AKAP6: variants seen among roughly 807,000 people sequenced by gnomAD.
AKAP6 encodes the protein A-kinase anchor protein 6.
AKAP6 carries 58 observed loss-of-function variants against 188.5 expected under a neutral mutation model. That is an observed-to-expected ratio of 0.31 (90% confidence interval 0.25 to 0.38). AKAP6 has a LOEUF of 0.38. AKAP6 is among the 10% of genes least tolerant of loss of function. AKAP6 has a pLI of 1.00. For synonymous variants in AKAP6, 989 were observed against 998.6 expected, an observed-to-expected ratio of 0.99 and a Z score of 0.18; for missense variants, 2,710 against 2,740.0, an observed-to-expected ratio of 0.99 and a Z score of 0.24.
Position 32,492,355 on chromosome 14 carries a change from T to TATATATAGAGAGAAAGAGAGAG in AKAP6, c.325-43198_325-43197insTATATAGAGAGAAAGAGAGAGA. Among the ~76,000 whole-genome samples, 33 of 82,610 alleles carry TATATATAGAGAGAAAGAGAGAG rather than the reference T, an allele frequency of 4.0e-4. No homozygotes were observed. In the Admixed American group the frequency reaches 6.0e-3, roughly 15 times the overall value. 54.2% of individuals were successfully genotyped at this position (82,610 alleles called of 152,430 possible). On this transcript the variant is annotated intron_variant, in intron 2 of 13. Coordinates refer to ENST00000280979, the MANE Select transcript of AKAP6 (RefSeq NM_004274.5). ...ACATTGTAATATATATATATATATA[T>TATATATAGAGAGAAAGAGAGAG]AGAGAGAGAGAGAGAGAGAGAGAGA... is the stretch of plus-strand genomic sequence containing the variant.
intron 9 of AKAP6, among the ~76,000 whole-genome samples, chr14:32,723,576 T>TGG (rs1486230847): frequency 6.6e-6 from 1 of 151,758 alleles, no homozygotes; most frequent in Non-Finnish European, 1.5e-5. Context: ...TGTGTGTGTG[T>TGG]GTGTGTGTGT....
chr14:32,438,488 A>G (rs572032202), intron 2 of AKAP6, among the ~76,000 whole-genome samples: 24 of 152,172 alleles, frequency 1.6e-4, no homozygotes, highest in Non-Finnish European at 2.2e-4. Context: ...CCAAGTTCTT[A>G]GGGGAAATTT....
intron 7 of AKAP6, among the ~76,000 whole-genome samples, chr14:32,617,284 A>G (rs1886619078): frequency 6.7e-6 from 1 of 149,406 alleles, no homozygotes; most frequent in Non-Finnish European, 1.5e-5. Flanking sequence ...ATCTTTGCTC[A>G]TCTCCACCTG....
At chr14:32,469,714 T>A (rs965873701) in intron 2 of AKAP6, among the ~76,000 whole-genome samples, 49 of 59,796 alleles carry the variant, frequency 8.2e-4, no homozygotes, top group Admixed American at 4.6e-3. Flanking sequence ...ATGTCACAAA[T>A]TTTTTTTTTT....
intron 2 of AKAP6, among the ~76,000 whole-genome samples, chr14:32,505,870 G>A (rs1262665360): frequency 1.3e-5 from 2 of 152,044 alleles, no homozygotes; most frequent in Non-Finnish European, 2.9e-5. Flanking sequence ...GTCTTACATG[G>A]TGGCTAATTT....
At chr14:32,797,159 A>G (rs1270834898) in intron 12 of AKAP6, among the ~76,000 whole-genome samples, 2 of 152,226 alleles carry the variant, frequency 1.3e-5, no homozygotes, top group East Asian at 3.8e-4. Flanking sequence ...AGAAAAAGGA[A>G]CACTTTTACA....
intron 1 of AKAP6, among the ~76,000 whole-genome samples, chr14:32,400,771 T>A (rs1168532364): frequency 6.6e-6 from 1 of 152,122 alleles, no homozygotes; most frequent in Non-Finnish European, 1.5e-5. Context: ...GGAATTCTTA[T>A]TAAAACACAG....
At chr14:32,773,981 A>G (rs772722723) in intron 12 of AKAP6, 88 bp downstream of exon 12, 2 of 1,402,822 alleles carry the variant, frequency 1.4e-6, no homozygotes, top group South Asian at 2.5e-5. Flanking sequence ...TGTTCATCTT[A>G]TAAATGGTTT....
intron 5 of AKAP6, among the ~76,000 whole-genome samples, chr14:32,584,799 A>G (rs1885154462): frequency 6.6e-6 from 1 of 152,130 alleles, no homozygotes; most frequent in Non-Finnish European, 1.5e-5. Flanking sequence ...GGGATATGTT[A>G]TGTTGTTTCA....
chr14:32,735,546 C>G (rs918116905), intron 10 of AKAP6, 112 bp from the exon 11 acceptor site: 14 of 760,846 alleles, frequency 1.8e-5, no homozygotes, highest in Non-Finnish European at 2.9e-5. Flanking sequence ...ACCAACAAAA[C>G]TGTGGTGTGT....
At chr14:32,765,101 AT>A (rs1396910230) in intron 11 of AKAP6, among the ~76,000 whole-genome samples, 2 of 151,604 alleles carry the variant, frequency 1.3e-5, no homozygotes, top group African/African-American at 4.8e-5. Context: ...CGCCCAGCTA[AT>A]TTTTGTATTT....
chr14:32,617,769 G>A (rs1198191179), intron 7 of AKAP6, among the ~76,000 whole-genome samples: 3 of 152,118 alleles, frequency 2.0e-5, no homozygotes, highest in African/African-American at 7.2e-5. Flanking sequence ...GGGACTACAG[G>A]TGTGTGCCAC....
chr14:32,510,368 G>GTATA (rs1566546276), intron 2 of AKAP6, among the ~76,000 whole-genome samples: 7 of 91,020 alleles, frequency 7.7e-5, no homozygotes, highest in African/African-American at 2.8e-4. Flanking sequence ...ATATATATGT[G>GTATA]TATATATATG....
At chr14:32,671,548 A>G (rs183874552) in intron 7 of AKAP6, among the ~76,000 whole-genome samples, 21 of 151,806 alleles carry the variant, frequency 1.4e-4, no homozygotes, top group Admixed American at 1.2e-3. Flanking sequence ...AATGTGCAAT[A>G]GGAATAATAC....
At chr14:32,541,545 C>CT (rs896998065) in intron 3 of AKAP6, among the ~76,000 whole-genome samples, 5 of 151,822 alleles carry the variant, frequency 3.3e-5, no homozygotes, top group Non-Finnish European at 7.4e-5. Context: ...TCTCAAATTT[C>CT]TTTTTTTTAA....
chr14:32,334,595 T>G (rs1886631212), intron 1 of AKAP6, among the ~76,000 whole-genome samples: 1 of 152,236 alleles, frequency 6.6e-6, no homozygotes. Context: ...ATCACAGGTA[T>G]ATATGTATAG....
At chr14:32,829,118 C>T (rs2034757898) in intron 13 of AKAP6, among the ~76,000 whole-genome samples, 1 of 152,176 alleles carries the variant, frequency 6.6e-6, no homozygotes, top group Non-Finnish European at 1.5e-5. Context: ...AGGTGTTCCT[C>T]ACATTTGACC....
At chr14:32,548,019 T>G (rs970018956) in intron 4 of AKAP6, among the ~76,000 whole-genome samples, 2 of 152,038 alleles carry the variant, frequency 1.3e-5, no homozygotes, top group Admixed American at 6.6e-5. Context: ...TCTTGTTTGA[T>G]GACATATCAA....
At chr14:32,603,703 A>T (rs1886022898) in intron 7 of AKAP6, among the ~76,000 whole-genome samples, 1 of 152,218 alleles carries the variant, frequency 6.6e-6, no homozygotes, top group South Asian at 2.1e-4. Context: ...ATAATAGCAA[A>T]CAATTGGCAT....
Sources: gnomAD v4.1 joint callset for allele counts (sites outside exome capture counted in the v4.1 genomes callset) on GRCh38, gnomAD v4.1.1 for gene constraint, MANE v1.5 for transcripts, NCBI Gene and HGNC (gene_info 2026-07-23, HGNC 2026-07-21) for gene names.